Variants in SNRK observed in about 807,000 individuals in gnomAD.
SNRK encodes SNF related kinase, also known as SNF-related serine/threonine-protein kinase.
A neutral mutation model predicts 48.2 loss-of-function variants in SNRK; 3 were observed. The ratio of observed to expected loss-of-function variants is 0.06; its 90% confidence interval spans 0.03 to 0.16. SNRK has a LOEUF of 0.16. SNRK is among the 10% of genes least tolerant of loss of function. The pLI is 1.00. For synonymous variants in SNRK, 376 were observed against 366.1 expected (o/e 1.03, Z -0.31); for missense variants, 627 against 976.0 (o/e 0.64, Z 4.76).
At chr3:43,311,638 T>C (rs780017723) in intron 3 of SNRK, among the ~76,000 whole-genome samples, 6 of 152,182 alleles carry the variant, frequency 3.9e-5, no homozygotes, top group Non-Finnish European at 8.8e-5. Context: ...GGAGAGCTCA[T>C]TGCTGCTTGT....
intron 3 of SNRK, among the ~76,000 whole-genome samples, chr3:43,313,483 C>T (rs189094196): frequency 3.0e-4 from 45 of 152,278 alleles, no homozygotes; most frequent in Admixed American, 5.9e-4. Context: ...ATAAAATTCT[C>T]TTGATATAAC....
rs1053942998 is a variant in SNRK at position 43,296,722 on chromosome 3, A to G, written c.-168-3032A>G. ...TGTTTGATGTACAGATGAGACTGCAATGGTGATGATGTTGATGAAAACCTA... is the reference window on the plus strand; with the variant it reads ...TGTTTGATGTACAGATGAGACTGCAGTGGTGATGATGTTGATGAAAACCTA... On this transcript the variant is annotated intron_variant, in intron 1 of 6. Coordinates refer to ENST00000296088, the MANE Select transcript of SNRK (RefSeq NM_017719.5). Among the ~76,000 whole-genome samples, 7 of 152,114 alleles carry G rather than the reference A, an allele frequency of 4.6e-5. No individual in the cohort carries two copies. The South Asian group carries it at 8.3e-4, about 18-fold the overall frequency.
Position 43,348,600 on chromosome 3 carries a change from A to G in SNRK, c.*43A>G, listed in dbSNP as rs1163868309. 4 of 1,479,872 alleles carry G rather than the reference A, an allele frequency of 2.7e-6. No homozygotes were observed. The highest frequency in any genetic ancestry group is 3.6e-6 in the Non-Finnish European group (4 of 1,119,748). 91.7% of individuals were successfully genotyped at this position (1,479,872 alleles called of 1,614,324 possible). A position where few individuals can be genotyped will look rare whatever the true frequency, so the allele number is the denominator to read the frequency against. ...CGCTAGCACGCTTCCTGCTCAGAGC[A>G]GTGAAGACCGGCTCACTTCACTGTT... On this transcript the variant is annotated 3_prime_UTR_variant, in exon 7 of 7. Transcript: ENST00000296088.
intron 3 of SNRK, among the ~76,000 whole-genome samples, chr3:43,304,094 T>G (rs2090917179): frequency 6.6e-6 from 1 of 152,176 alleles, no homozygotes; most frequent in South Asian, 2.1e-4. Context: ...TTTCCTCAGA[T>G]TTTTCTTTTA....
Position 43,300,899 on chromosome 3 carries a change from C to T in SNRK, c.-107+1084C>T, listed in dbSNP as rs138018727. On this transcript the variant is annotated intron_variant, in intron 2 of 6. Transcript: ENST00000296088. Reference sequence around the variant, plus strand: ...TTCTGAAATCAGTTTGCAGACACAGCGTAGCATAGTGTTTTAAAGCACGGA... The same window carrying T: ...TTCTGAAATCAGTTTGCAGACACAGTGTAGCATAGTGTTTTAAAGCACGGA... Among the ~76,000 whole-genome samples the T allele has an allele frequency of 1.1e-3, 161 of 152,348 alleles. 3 individuals carry two copies. The East Asian group carries it at 0.027, about 26-fold the overall frequency.
intron 3 of SNRK, among the ~76,000 whole-genome samples, chr3:43,321,614 G>C (rs2091053972): frequency 6.6e-6 from 1 of 152,140 alleles, no homozygotes; most frequent in African/African-American, 2.4e-5. Flanking sequence ...TCAGCTGATA[G>C]GTAACAGGGA....
chr3:43,286,900 G>T (rs2090768783), intron 1 of SNRK, among the ~76,000 whole-genome samples: 1 of 144,788 alleles, frequency 6.9e-6, no homozygotes, highest in Non-Finnish European at 1.5e-5. Flanking sequence ...GCGCGGCCTG[G>T]CGGCGGGGCG....
chr3:43,287,177 A>G (rs1047278448), intron 1 of SNRK, among the ~76,000 whole-genome samples: 19 of 152,102 alleles, frequency 1.2e-4, no homozygotes, highest in Non-Finnish European at 2.2e-4. Flanking sequence ...CTGCTTTACA[A>G]TAGAGTGGGG....
In SNRK at chr3:43,350,757, A is replaced by G. The variant is rs1029984965; in HGVS notation, c.*2200A>G. 6.5e-6 allele frequency: 1 copy of G among 152,672 alleles called. No individual in the cohort carries two copies. Among genetic ancestry groups the G allele is most frequent in the African/African-American group, 2.4e-5 (1 of 41,458 alleles). The allele number at this position is 152,672 out of a possible 1,614,324, so 9.5% of individuals were successfully genotyped here. On this transcript the variant is annotated 3_prime_UTR_variant, in exon 7 of 7. Transcript: ENST00000296088. ...TTGGACCAAACTACTTACTTGCTCT[A>G]AACAGTTACTTGTACCCCTTAACCT...
chr3:43,307,159 A>G (rs909283041), intron 3 of SNRK, among the ~76,000 whole-genome samples: 1 of 152,100 alleles, frequency 6.6e-6, no homozygotes, highest in Non-Finnish European at 1.5e-5. Context: ...TAATTTAACC[A>G]TTTTTTGCTT....
intron 1 of SNRK, among the ~76,000 whole-genome samples, chr3:43,287,819 CA>C (rs1045663851): frequency 3.3e-5 from 5 of 152,118 alleles, no homozygotes; most frequent in Non-Finnish European, 7.3e-5. Context: ...CCCGGGTTGT[CA>C]AGGCTTATGT....
intron 3 of SNRK, among the ~76,000 whole-genome samples, chr3:43,320,909 T>C (rs1340743145): frequency 6.8e-6 from 1 of 147,766 alleles, no homozygotes; most frequent in Non-Finnish European, 1.5e-5. Context: ...CCCAAAACTT[T>C]ACAAACATGA....
At chr3:43,302,261 A>G (rs1216135972) in intron 2 of SNRK, among the ~76,000 whole-genome samples, 1 of 152,204 alleles carries the variant, frequency 6.6e-6, no homozygotes, top group Non-Finnish European at 1.5e-5. Context: ...TAAAAAGTCA[A>G]TGTTAATATG....
intron 1 of SNRK, among the ~76,000 whole-genome samples, chr3:43,296,134 T>TTA (rs1301815256): frequency 1.3e-5 from 2 of 152,252 alleles, no homozygotes; most frequent in East Asian, 3.9e-4. Context: ...CCTGGAAGAC[T>TTA]TAGTTTACTG....
chr3:43,337,412 C>T (rs1455375277), intron 4 of SNRK, among the ~76,000 whole-genome samples: 1 of 151,978 alleles, frequency 6.6e-6, no homozygotes, highest in East Asian at 1.9e-4. Flanking sequence ...AAATTTATAG[C>T]TTATTCTTAT....
At chr3:43,343,243 C>T (rs1431027414) in intron 5 of SNRK, 101 bp from the exon 6 acceptor site, 11 of 1,373,226 alleles carry the variant, frequency 8.0e-6, no homozygotes, top group Non-Finnish European at 1.1e-5. Flanking sequence ...AAGATTCCAG[C>T]CATTGAATTT....
intron 3 of SNRK, among the ~76,000 whole-genome samples, chr3:43,331,380 T>A (rs767901875): frequency 1.3e-5 from 2 of 152,240 alleles, no homozygotes; most frequent in Admixed American, 6.5e-5. Context: ...TTTGTTACTG[T>A]CAGAGTTCGT....
chr3:43,304,929 C>G (rs905720977), intron 3 of SNRK, among the ~76,000 whole-genome samples: 1 of 151,936 alleles, frequency 6.6e-6, no homozygotes, highest in Non-Finnish European at 1.5e-5. Context: ...AATATCTGAG[C>G]GGAGATTTTT....
intron 4 of SNRK, chr3:43,333,349 ACT>A (rs1378883632): frequency 1.7e-5 from 2 of 117,486 alleles, no homozygotes; most frequent in Non-Finnish European, 3.4e-5. Flanking sequence ...ACAGAGCGAG[ACT>A]CTGTCTCAAA....
Sources: gnomAD v4.1 joint callset for allele counts (sites outside exome capture counted in the v4.1 genomes callset) on GRCh38, gnomAD v4.1.1 for gene constraint, MANE v1.5 for transcripts, NCBI Gene and HGNC (gene_info 2026-07-23, HGNC 2026-07-21) for gene names.